The following PHLPP1 variants were observed in gnomAD, a reference collection of about 807,000 sequenced individuals.
PHLPP1 encodes PH domain and leucine rich repeat protein phosphatase 1, also known as PH domain leucine-rich repeat-containing protein phosphatase 1.
A neutral mutation model predicts 117.2 loss-of-function variants in PHLPP1; 42 were observed. The ratio of observed to expected loss-of-function variants is 0.36; its 90% CI spans 0.28 to 0.46. PHLPP1 has a LOEUF of 0.46. Ranked by LOEUF, PHLPP1 falls within the 20% of genes least tolerant of loss-of-function variation. PHLPP1 has a pLI of 1.00. For synonymous variants in PHLPP1, 1,042 were observed against 970.7 expected (o/e 1.07, Z -1.37); for missense variants, 2,084 against 2,241.9 (o/e 0.93, Z 1.42).
intron 1 of PHLPP1, among the ~76,000 whole-genome samples, chr18:62,742,467 T>C (rs2122075473): frequency 6.6e-6 from 1 of 151,904 alleles, no homozygotes; most frequent in Admixed American, 6.5e-5. Flanking sequence ...GGAGTCTTGC[T>C]CTGTCGCCCA....
chr18:62,736,279 A>G (rs1911366191), intron 1 of PHLPP1, among the ~76,000 whole-genome samples: 1 of 152,208 alleles, frequency 6.6e-6, no homozygotes. Flanking sequence ...TTACTGCATA[A>G]TCGGCATTTT....
chr18:62,902,333 A>G (rs1916745302), intron 6 of PHLPP1, among the ~76,000 whole-genome samples: 1 of 152,194 alleles, frequency 6.6e-6, no homozygotes, highest in African/African-American at 2.4e-5. Context: ...GCAGTATTTT[A>G]TAGACAGAGA....
chr18:62,798,115 TCATAAAAG>T (rs1913676443), intron 1 of PHLPP1, among the ~76,000 whole-genome samples: 1 of 152,228 alleles, frequency 6.6e-6, no homozygotes, highest in African/African-American at 2.4e-5. Flanking sequence ...CCTAGAAGGC[TCATAAAAG>T]CCCAGGTGGC....
At chr18:62,766,076 A>AAAAAAATATATATATATATATAT in intron 1 of PHLPP1, among the ~76,000 whole-genome samples, 28 of 21,606 alleles carry the variant, frequency 1.3e-3, no homozygotes, top group African/African-American at 1.6e-3. Flanking sequence ...AAAAAAAAAA[A>AAAAAAATATATATATATATATAT]ATATATATAT....
At chr18:62,873,568 T>C (rs1013031290) in intron 4 of PHLPP1, among the ~76,000 whole-genome samples, 1 of 152,240 alleles carries the variant, frequency 6.6e-6, no homozygotes, top group Non-Finnish European at 1.5e-5. Context: ...TTGCTGTTTG[T>C]AAGTAAATTG....
intron 14 of PHLPP1, among the ~76,000 whole-genome samples, chr18:62,970,255 A>C (rs963754288): frequency 5.3e-5 from 8 of 152,122 alleles, no homozygotes; most frequent in African/African-American, 1.9e-4. Flanking sequence ...CCTGGCCTTT[A>C]TGCTGTTGTT....
intron 4 of PHLPP1, among the ~76,000 whole-genome samples, chr18:62,871,014 C>G (rs1454057119): frequency 6.6e-6 from 1 of 152,002 alleles, no homozygotes; most frequent in East Asian, 1.9e-4. Context: ...CATTGTTTAT[C>G]TCTTTTATTA....
Position 62,716,568 on chromosome 18 carries a change from G to T in PHLPP1, c.885G>T (p.Pro295=). Residue 295 remains proline, a synonymous_variant, in exon 1 of 17, where the codon CCG becomes CCT. Coordinates refer to ENST00000262719, the MANE Select transcript of PHLPP1 (RefSeq NM_194449.4). The surrounding 1 kb of genome is among the most constrained non-coding windows in gnomAD (Gnocchi z 5.7). The part of the protein sequence containing the change: ...RSAPGAFGGP[P]RAPPADLPLP... ...CGCCGGGTGCCTTCGGGGGGCCTCC[G>T]CGCGCGCCCCCCGCCGACCTACCCC... 3 of 1,199,266 alleles carry T rather than the reference G, an allele frequency of 2.5e-6. No individual in the cohort carries two copies. The highest frequency in any genetic ancestry group is 2.1e-6 in the Non-Finnish European group (2 of 967,502). The allele number at this position is 1,199,266 out of a possible 1,614,324, so 74.3% of individuals were successfully genotyped here. A position where few individuals can be genotyped will look rare whatever the true frequency, so the allele number is the denominator to read the frequency against.
intron 3 of PHLPP1, among the ~76,000 whole-genome samples, chr18:62,853,589 C>T (rs1312336225): frequency 2.6e-5 from 4 of 152,114 alleles, no homozygotes; most frequent in Non-Finnish European, 4.4e-5. Context: ...AGGCTGGTCT[C>T]GAACTCCTGA....
chr18:62,866,252 T>TG (rs1915769000), intron 4 of PHLPP1, among the ~76,000 whole-genome samples: 1 of 151,452 alleles, frequency 6.6e-6, no homozygotes, highest in African/African-American at 2.4e-5. Context: ...GTTTTTTGTT[T>TG]TTTTTTTTTT....
chr18:62,836,480 TAAATAAAA>T (rs775889114), intron 2 of PHLPP1, among the ~76,000 whole-genome samples: 4,482 of 93,128 alleles, frequency 0.048, 101 homozygotes, highest in East Asian at 0.13. Context: ...AATAAATAAA[TAAATAAAA>T]ATAAATTACT....
Position 62,716,074 on chromosome 18 carries a change from T to G in PHLPP1, c.391T>G (p.Ser131Ala), listed in dbSNP as rs1172896208. The change falls in exon 1 of 17, where the codon TCC becomes GCC. Residue 131 changes from serine to alanine, a missense_variant. By Grantham distance (99) the Ser-to-Ala change is moderately conservative (BLOSUM62 1). Coordinates refer to ENST00000262719, the MANE Select transcript of PHLPP1 (RefSeq NM_194449.4). This position sits in a 1 kb window ranked among gnomAD's most constrained non-coding sequence, Gnocchi z 5.7. The part of the protein sequence containing the change: ...LRRGRLKRNL[S>A]AAAAAASSSS... ...GAGAGGGCGGCTGAAGAGGAATCTG[T>G]CCGCGGCCGCCGCGGCCGCCTCCTC... is the stretch of plus-strand genomic sequence containing the variant. The G allele has an allele frequency of 5.9e-5, 88 of 1,486,726 alleles. No homozygotes were observed. The highest frequency in any genetic ancestry group is 6.6e-5 in the Non-Finnish European group (75 of 1,127,968). 92.1% of individuals were successfully genotyped at this position (1,486,726 alleles called of 1,614,324 possible). A position where few individuals can be genotyped will look rare whatever the true frequency, so the allele number is the denominator to read the frequency against.
At position 62,743,560 on chromosome 18, in the gene PHLPP1, C is replaced by T. The variant is rs374044920; in HGVS notation, c.1576+26301C>T. On this transcript the variant is annotated intron_variant, in intron 1 of 16. Coordinates refer to ENST00000262719, the MANE Select transcript of PHLPP1 (RefSeq NM_194449.4). ...TCCTTTGGAAGTACTTCAGTCAAAA[C>T]GATGACACTGTTATTTTCTTAAAAA... 4.1e-4 allele frequency among the ~76,000 whole-genome samples: 62 copies of T among 152,146 alleles called. No individual in the cohort carries two copies. The East Asian group carries it at 7.5e-3, about 18-fold the overall frequency.
At chr18:62,882,480 C>G (rs571220033) in intron 4 of PHLPP1, among the ~76,000 whole-genome samples, 97 of 152,138 alleles carry the variant, frequency 6.4e-4, no homozygotes, top group Admixed American at 9.8e-4. Flanking sequence ...ACCATGGTCT[C>G]AATCTCCTGA....
At chr18:62,841,119 C>A (rs1408047373) in intron 3 of PHLPP1, among the ~76,000 whole-genome samples, 1 of 152,106 alleles carries the variant, frequency 6.6e-6, no homozygotes, top group Non-Finnish European at 1.5e-5. Flanking sequence ...AACTCCTGAC[C>A]TCAAGTGATC....
At chr18:62,948,254 G>A (rs1312951874) in intron 12 of PHLPP1, among the ~76,000 whole-genome samples, 1 of 151,674 alleles carries the variant, frequency 6.6e-6, no homozygotes, top group African/African-American at 2.4e-5. Flanking sequence ...GAACCCGAGA[G>A]GGGGAAGCTA....
Position 62,791,662 on chromosome 18 carries a change from C to T in PHLPP1, c.1577-38373C>T, listed in dbSNP as rs547680679. Among the ~76,000 whole-genome samples, 6 of 152,246 alleles carry T rather than the reference C, an allele frequency of 3.9e-5. No individual in the cohort carries two copies. The South Asian group carries it at 8.3e-4, about 21-fold the overall frequency. On this transcript the variant is annotated intron_variant, in intron 1 of 16. Coordinates refer to ENST00000262719, the MANE Select transcript of PHLPP1 (RefSeq NM_194449.4). Reference sequence around the variant, plus strand: ...TTTATTAGCTGAGCATCATGAAATGCGTTAGGAAAGCAAGATAGTACAGCT... The same window carrying T: ...TTTATTAGCTGAGCATCATGAAATGTGTTAGGAAAGCAAGATAGTACAGCT...
intron 13 of PHLPP1, among the ~76,000 whole-genome samples, chr18:62,962,031 T>G (rs1365010032): frequency 1.3e-5 from 2 of 152,234 alleles, no homozygotes; most frequent in African/African-American, 4.8e-5. Context: ...CAACAGATAA[T>G]TTTAATTCTT....
chr18:62,767,830 T>G (rs929241765), intron 1 of PHLPP1, among the ~76,000 whole-genome samples: 1 of 152,130 alleles, frequency 6.6e-6, no homozygotes, highest in East Asian at 1.9e-4. Flanking sequence ...TTAAATAGAG[T>G]ACAATAGCAG....
Sources: gnomAD v4.1 joint callset for allele counts (sites outside exome capture counted in the v4.1 genomes callset) on GRCh38, gnomAD v4.1.1 for gene constraint, Gnocchi (gnomAD v3.1) non-coding constraint, MANE v1.5 for transcripts, NCBI Gene and HGNC (gene_info 2026-07-23, HGNC 2026-07-21) for gene names.